The following CLVS1 variants were observed in gnomAD, a reference collection of about 807,000 sequenced individuals.
CLVS1 encodes clavesin-1.
A neutral mutation model predicts 33.1 loss-of-function variants in CLVS1; 10 were observed. The observed-to-expected ratio is 0.30, with a 90% CI of 0.19 to 0.51. The LOEUF (loss-of-function observed/expected upper bound fraction) is 0.51. Among genes scored for constraint, CLVS1 ranks in the 20% least tolerant of loss-of-function variants. The pLI is 0.97. For missense variants in CLVS1, 343 were observed against 433.4 expected (o/e 0.79, Z 1.85); for synonymous variants, 163 against 166.1 (o/e 0.98, Z 0.14).
At position 61,074,386 on chromosome 8, in the gene CLVS1, G is replaced by T. The variant is rs59104522; in HGVS notation, c.-243+17156G>T. Among the ~76,000 whole-genome samples the T allele has an allele frequency of 5.0e-4, 25 of 50,274 alleles. 1 individual carries two copies. Among genetic ancestry groups the T allele is most frequent in the African/African-American group, 2.3e-3 (6 of 2,558 alleles). The allele number at this position is 50,274 out of a possible 152,430, so 33.0% of individuals were successfully genotyped here. On this transcript the variant is annotated intron_variant, in intron 1 of 2. Transcript: ENST00000522621. ...TATATATATATATATAAGTATATGTGTATATATATATGTTATATATATATA... is the reference window on the plus strand; with the variant it reads ...TATATATATATATATAAGTATATGTTTATATATATATGTTATATATATATA...
chr8:61,344,822 T>C (rs1270214370), intron 2 of CLVS1, among the ~76,000 whole-genome samples: 2 of 152,160 alleles, frequency 1.3e-5, no homozygotes, highest in Non-Finnish European at 2.9e-5. Flanking sequence ...ACTTGCTTCT[T>C]TGGTAAGTAG....
chr8:61,270,256 C>T (rs1020960155), intron 2 of CLVS1, among the ~76,000 whole-genome samples: 35 of 152,242 alleles, frequency 2.3e-4, no homozygotes, highest in Non-Finnish European at 4.7e-4. Context: ...GCTTTTTCTG[C>T]ATCTATTGAG....
intron 5 of CLVS1, among the ~76,000 whole-genome samples, chr8:61,468,716 TAAAAAAAAAAAAA>T (rs5891803): frequency 1.1e-5 from 1 of 92,484 alleles, no homozygotes; most frequent in African/African-American, 4.8e-5. Context: ...GTAAAAGTAC[TAAAAAAAAAAAAA>T]AAAAAAAAAA....
intron 1 of CLVS1, among the ~76,000 whole-genome samples, chr8:61,118,792 C>G (rs56288248): frequency 0.021 from 3,193 of 152,134 alleles, 104 homozygotes; most frequent in African/African-American, 0.068. Flanking sequence ...TTACTTCCAA[C>G]TATGTGGTCA....
At chr8:61,110,899 C>T (rs948057927) in intron 1 of CLVS1, among the ~76,000 whole-genome samples, 2 of 152,110 alleles carry the variant, frequency 1.3e-5, no homozygotes, top group Non-Finnish European at 2.9e-5. Context: ...ATAATATTAC[C>T]TTGCATGTGT....
At chr8:61,117,713 G>C (rs7825023) in intron 1 of CLVS1, among the ~76,000 whole-genome samples, 25,405 of 152,004 alleles carry the variant, frequency 0.17, 2,925 homozygotes, top group East Asian at 0.61. Context: ...TGCATCCCAG[G>C]GATGAAGCCC....
chr8:60,974,784 A>C, the CLVS1 span, among the ~76,000 whole-genome samples: 1 of 152,174 alleles, frequency 6.6e-6, no homozygotes, highest in Admixed American at 6.5e-5. Context: ...ATCTCAAAAA[A>C]AAAAAAAAAG....
At chr8:60,990,125 CAAAAAAAAA>C in the CLVS1 span, among the ~76,000 whole-genome samples, 1 of 38,278 alleles carries the variant, frequency 2.6e-5, no homozygotes, top group Non-Finnish European at 4.6e-5. Flanking sequence ...ACTCCATCTC[CAAAAAAAAA>C]AAAAAAAAAA....
chr8:61,064,537 A>ATT (rs35743247), intron 1 of CLVS1, among the ~76,000 whole-genome samples: 20 of 88,636 alleles, frequency 2.3e-4, no homozygotes, highest in South Asian at 4.3e-4. Context: ...TTCTTTGCCC[A>ATT]TTTTTTTTTT....
the CLVS1 span, among the ~76,000 whole-genome samples, chr8:60,983,151 G>A: frequency 7.9e-5 from 12 of 152,102 alleles, no homozygotes; most frequent in Non-Finnish European, 1.3e-4. Context: ...CAGTCTATGA[G>A]CAGGAGGATG....
intron 1 of CLVS1, among the ~76,000 whole-genome samples, chr8:61,078,866 T>G (rs1585593657): frequency 6.6e-6 from 1 of 152,342 alleles, no homozygotes; most frequent in Non-Finnish European, 1.5e-5. Context: ...TAAATTCCAG[T>G]GTTTAAAAAC....
At chr8:61,222,622 C>G (rs537636655) in intron 2 of CLVS1, among the ~76,000 whole-genome samples, 2 of 152,240 alleles carry the variant, frequency 1.3e-5, no homozygotes, top group South Asian at 4.2e-4. Flanking sequence ...AGAGTAAGGG[C>G]CATGTGGCAT....
rs199668475 is a variant in CLVS1 at position 61,390,991 on chromosome 8, G to A, written c.630+14212G>A. ...CTAGACTTAGATTTTTTTTTTTTTT[G>A]TATTTTAACATTTTAGTCTATCTGG... On this transcript the variant is annotated intron_variant, in intron 3 of 5. Transcript: ENST00000325897. 12 of 116,744 alleles carry A rather than the reference G, an allele frequency of 1.0e-4. No homozygotes were observed. The South Asian group carries it at 2.4e-3, about 23-fold the overall frequency. The allele number at this position is 116,744 out of a possible 1,614,324, so 7.2% of individuals were successfully genotyped here. A position where few individuals can be genotyped will look rare whatever the true frequency, so the allele number is the denominator to read the frequency against.
At chr8:61,284,952 A>G (rs1000221528), upstream of CLVS1, among the ~76,000 whole-genome samples, 7 of 152,190 alleles carry the variant, frequency 4.6e-5, no homozygotes, top group African/African-American at 1.7e-4. Flanking sequence ...GCAAATAAAT[A>G]TAGCAGATCT....
intron 5 of CLVS1, among the ~76,000 whole-genome samples, chr8:61,481,066 A>G (rs569201787): frequency 1.3e-5 from 2 of 152,150 alleles, no homozygotes; most frequent in African/African-American, 2.4e-5. Flanking sequence ...AAAGGAAAGG[A>G]AACTAGGACA....
the CLVS1 span, among the ~76,000 whole-genome samples, chr8:60,995,224 A>G: frequency 6.6e-6 from 1 of 152,186 alleles, no homozygotes; most frequent in Non-Finnish European, 1.5e-5. Flanking sequence ...GTGAACAGGC[A>G]ACCTACAAAA....
At chr8:61,496,753 T>C (rs903195468) in intron 5 of CLVS1, among the ~76,000 whole-genome samples, 1 of 152,226 alleles carries the variant, frequency 6.6e-6, no homozygotes, top group Non-Finnish European at 1.5e-5. Context: ...CATACATATC[T>C]TGAAAGGAGA....
chr8:61,005,028 C>A, the CLVS1 span, among the ~76,000 whole-genome samples: 13 of 152,184 alleles, frequency 8.5e-5, no homozygotes, highest in Non-Finnish European at 1.8e-4. Flanking sequence ...GCCATTTCAT[C>A]CCAATGTCTG....
the CLVS1 span, among the ~76,000 whole-genome samples, chr8:60,993,183 G>A: frequency 6.6e-6 from 1 of 152,210 alleles, no homozygotes; most frequent in African/African-American, 2.4e-5. Flanking sequence ...ACCACTGATT[G>A]GTGGGAGGGG....
Sources: allele counts gnomAD v4.1 joint callset (sites outside exome capture counted in the v4.1 genomes callset), GRCh38; gene constraint gnomAD v4.1.1; transcripts MANE v1.5; gene names NCBI Gene and HGNC (gene_info 2026-07-23, HGNC 2026-07-21).